MAML2: variants seen among roughly 807,000 people sequenced by gnomAD.
MAML2 encodes mastermind like transcriptional coactivator 2.
MAML2 carries 22 observed loss-of-function variants against 96.1 expected under a neutral mutation model. The ratio of observed to expected loss-of-function variants is 0.23; its 90% CI spans 0.16 to 0.33. The LOEUF is 0.33. Ranked by LOEUF, MAML2 falls within the 10% of genes least tolerant of loss-of-function variation. MAML2 has a pLI of 1.00. For synonymous variants in MAML2, 561 were observed against 521.3 expected (o/e 1.08, Z -1.04); for missense variants, 1,367 against 1,392.4 (o/e 0.98, Z 0.29).
At chr11:96,066,632 G>A (rs1859249770) in intron 2 of MAML2, among the ~76,000 whole-genome samples, 1 of 150,438 alleles carries the variant, frequency 6.6e-6, no homozygotes, top group Admixed American at 6.7e-5. Context: ...AGAGTAGGAT[G>A]AAAAGTCTTT....
intron 1 of MAML2, among the ~76,000 whole-genome samples, chr11:96,160,929 C>T (rs538361365): frequency 3.2e-4 from 48 of 152,218 alleles, no homozygotes; most frequent in Non-Finnish European, 5.9e-4. Flanking sequence ...CCGCCCTCTG[C>T]GAGTGACCCT....
chr11:96,075,728 G>GAT (rs982537797), intron 2 of MAML2, among the ~76,000 whole-genome samples: 1 of 152,222 alleles, frequency 6.6e-6, no homozygotes. Context: ...AAACCTGACT[G>GAT]ATGAATAGGA....
At chr11:96,271,057 C>A (rs1862910334) in intron 1 of MAML2, among the ~76,000 whole-genome samples, 1 of 152,212 alleles carries the variant, frequency 6.6e-6, no homozygotes. Flanking sequence ...AGCTTCTCGA[C>A]TCTTGGACTT....
intron 1 of MAML2, among the ~76,000 whole-genome samples, chr11:96,164,407 C>G (rs750745466): frequency 6.6e-6 from 1 of 152,302 alleles, no homozygotes; most frequent in Non-Finnish European, 1.5e-5. Flanking sequence ...TTACAAGGAA[C>G]CTGGGCCTGT....
chr11:96,006,176 G>T (rs1858175620), intron 2 of MAML2, among the ~76,000 whole-genome samples: 1 of 152,180 alleles, frequency 6.6e-6, no homozygotes, highest in African/African-American at 2.4e-5. Flanking sequence ...AAATACTTCA[G>T]TGAGACTTCA....
At chr11:96,316,724 G>A (rs750043986) in intron 1 of MAML2, among the ~76,000 whole-genome samples, 1 of 152,170 alleles carries the variant, frequency 6.6e-6, no homozygotes, top group Non-Finnish European at 1.5e-5. Context: ...TTTTAAGCAG[G>A]GGTAGGATGT....
chr11:96,036,359 A>G (rs1858711666), intron 2 of MAML2, among the ~76,000 whole-genome samples: 1 of 152,174 alleles, frequency 6.6e-6, no homozygotes, highest in Non-Finnish European at 1.5e-5. Context: ...ATTTCCTCTA[A>G]CAACTAGGAG....
intron 1 of MAML2, among the ~76,000 whole-genome samples, chr11:96,096,141 C>T (rs1049813629): frequency 6.6e-5 from 10 of 152,068 alleles, no homozygotes; most frequent in East Asian, 5.8e-4. Flanking sequence ...ATTCTTTTTC[C>T]GAATTTGGGT....
Position 95,978,807 on chromosome 11 carries a change from G to T in MAML2, c.*141C>A. On this transcript the variant is annotated 3_prime_UTR_variant, in exon 5 of 5. Transcript: ENST00000524717. ...AATTTGGACCAAAATGTTCATCACT[G>T]CAGTTACTTTCTGCTTTCCATTTTT... The T allele has an allele frequency of 1.3e-6, 1 of 751,206 alleles. No individual in the cohort carries two copies. The highest frequency in any genetic ancestry group is 3.4e-4 in the Middle Eastern group (1 of 2,952). 46.5% of individuals were successfully genotyped at this position (751,206 alleles called of 1,614,324 possible).
chr11:96,138,289 C>T (rs1347445182), intron 1 of MAML2, among the ~76,000 whole-genome samples: 2 of 152,104 alleles, frequency 1.3e-5, no homozygotes, highest in Admixed American at 1.3e-4. Flanking sequence ...CCTTTGTCTC[C>T]CTCTTCAAGT....
intron 1 of MAML2, among the ~76,000 whole-genome samples, chr11:96,335,504 T>A (rs1395867987): frequency 6.6e-6 from 1 of 152,118 alleles, no homozygotes; most frequent in Non-Finnish European, 1.5e-5. Flanking sequence ...GTCCTTTTAG[T>A]GTCAAAGGGC....
intron 1 of MAML2, among the ~76,000 whole-genome samples, chr11:96,198,824 T>C (rs1245128889): frequency 6.6e-6 from 1 of 152,114 alleles, no homozygotes; most frequent in Non-Finnish European, 1.5e-5. Context: ...TTCCAGCCAC[T>C]CTAGCAGCTA....
intron 1 of MAML2, among the ~76,000 whole-genome samples, chr11:96,243,899 C>T (rs183635477): frequency 6.4e-4 from 98 of 152,274 alleles, no homozygotes; most frequent in African/African-American, 2.2e-3. Flanking sequence ...TCTTGGCCTC[C>T]CAAAGTGCTG....
At chr11:96,176,077 C>T (rs1446939836) in intron 1 of MAML2, among the ~76,000 whole-genome samples, 1 of 152,128 alleles carries the variant, frequency 6.6e-6, no homozygotes. Flanking sequence ...CCTATATCTA[C>T]CTTTTGAGGT....
intron 1 of MAML2, among the ~76,000 whole-genome samples, chr11:96,299,055 AAAAAAAT>A (rs1430403524): frequency 1.4e-4 from 13 of 94,728 alleles, no homozygotes; most frequent in African/African-American, 2.4e-4. Flanking sequence ...AAAAAAAAAA[AAAAAAAT>A]ATATATATAT....
At chr11:96,255,283 T>C (rs764504715) in intron 1 of MAML2, among the ~76,000 whole-genome samples, 3 of 152,250 alleles carry the variant, frequency 2.0e-5, no homozygotes, top group Non-Finnish European at 2.9e-5. Context: ...TCAAGCATCA[T>C]GTTAGAGCTC....
At chr11:96,198,718 G>A (rs564826660) in intron 1 of MAML2, among the ~76,000 whole-genome samples, 1 of 152,074 alleles carries the variant, frequency 6.6e-6, no homozygotes, top group South Asian at 2.1e-4. Flanking sequence ...GCAAAGTTCC[G>A]GAAGGAGGAA....
intron 1 of MAML2, among the ~76,000 whole-genome samples, chr11:96,322,426 C>CA (rs1489302759): frequency 5.3e-5 from 8 of 152,334 alleles, no homozygotes; most frequent in Admixed American, 3.3e-4. Context: ...GGGCGGGGCA[C>CA]AGTGGCTCAT....
chr11:96,280,269 G>A (rs1863046239), intron 1 of MAML2, among the ~76,000 whole-genome samples: 1 of 152,232 alleles, frequency 6.6e-6, no homozygotes, highest in Non-Finnish European at 1.5e-5. Context: ...TATCTCTCAT[G>A]GAAAGGGGGT....
Sources: gnomAD v4.1 joint callset for allele counts (sites outside exome capture counted in the v4.1 genomes callset) on GRCh38, gnomAD v4.1.1 for gene constraint, MANE v1.5 for transcripts, NCBI Gene and HGNC (gene_info 2026-07-23, HGNC 2026-07-21) for gene names.